The following CDK13 variants were observed in gnomAD, a reference collection of about 807,000 sequenced individuals.
CDK13 encodes cyclin dependent kinase 13, also known as cyclin-dependent kinase 13.
Under a neutral mutation model 137.6 loss-of-function variants are expected in CDK13, and 40 were observed. That is an observed-to-expected ratio of 0.29 (90% CI 0.23 to 0.38). The LOEUF (loss-of-function observed/expected upper bound fraction) is 0.38. CDK13 is among the 10% of genes least tolerant of loss of function. The pLI is 1.00. For synonymous variants in CDK13, 869 were observed against 760.1 expected (o/e 1.14, Z -2.36); for missense variants, 1,704 against 1,951.8 (o/e 0.87, Z 2.39).
chr7:40,074,258 C>G (rs1786489891), intron 9 of CDK13, among the ~76,000 whole-genome samples: 1 of 151,992 alleles, frequency 6.6e-6, no homozygotes. Context: ...TGCGGTGGCT[C>G]ACGCCCATAA....
chr7:40,028,247 T>C (rs1412960086), intron 5 of CDK13, among the ~76,000 whole-genome samples: 1 of 135,848 alleles, frequency 7.4e-6, no homozygotes, highest in Non-Finnish European at 1.5e-5. Flanking sequence ...TGAGATGGAG[T>C]CTCACTCTGT....
chr7:39,980,002 T>C (rs1784191316), intron 1 of CDK13, among the ~76,000 whole-genome samples: 1 of 152,216 alleles, frequency 6.6e-6, no homozygotes, highest in Non-Finnish European at 1.5e-5. Context: ...GGTGACATGT[T>C]GATTTTAGTT....
chr7:40,062,283 A>G (rs1786164277), intron 7 of CDK13: 1 of 145,470 alleles, frequency 6.9e-6, no homozygotes, highest in Non-Finnish European at 1.5e-5. Flanking sequence ...AGTTAATACC[A>G]GTAAACTACT....
chr7:39,951,147 C>T lies in CDK13; in HGVS notation c.506C>T (p.Thr169Met), dbSNP rs1012056345. The change falls in exon 1 of 14, where the codon ACG (threonine) becomes ATG (methionine). Residue 169 changes from threonine to methionine, a missense_variant. Thr to Met is a moderately conservative substitution (Grantham distance 81). Transcript: ENST00000181839. ...LGGASAATAA[T>M]AAGGTGGSGG... Reference sequence around the variant, plus strand: ...GGGGCCAGCGCGGCAACGGCGGCGACGGCTGCCGGGGGAACGGGGGGCAGC... The same window carrying T: ...GGGGCCAGCGCGGCAACGGCGGCGATGGCTGCCGGGGGAACGGGGGGCAGC... 8 of 1,241,898 alleles carry T rather than the reference C, an allele frequency of 6.4e-6. No homozygotes were observed. The South Asian group carries it at 1.9e-4, about 29-fold the overall frequency. 76.9% of individuals were successfully genotyped at this position (1,241,898 alleles called of 1,614,324 possible).
At chr7:40,041,742 A>C (rs1209769759) in intron 5 of CDK13, among the ~76,000 whole-genome samples, 2 of 151,236 alleles carry the variant, frequency 1.3e-5, no homozygotes, top group African/African-American at 4.9e-5. Context: ...CAGCATGCTC[A>C]GTACATTTCC....
At chr7:39,967,410 C>T (rs1783895588) in intron 1 of CDK13, among the ~76,000 whole-genome samples, 2 of 151,612 alleles carry the variant, frequency 1.3e-5, no homozygotes, top group South Asian at 4.2e-4. Flanking sequence ...CCAGCCTGGG[C>T]AACAGAGTGA....
chr7:39,960,503 C>G (rs540353227), intron 1 of CDK13, among the ~76,000 whole-genome samples: 2 of 152,014 alleles, frequency 1.3e-5, no homozygotes, highest in Admixed American at 1.3e-4. Context: ...GTGATCCGCC[C>G]GCCTTGGCCT....
intron 2 of CDK13, among the ~76,000 whole-genome samples, chr7:39,992,200 G>GTGTGTA (rs1355123496): frequency 1.4e-5 from 2 of 138,268 alleles, no homozygotes; most frequent in African/African-American, 5.4e-5. Context: ...GTGTGTGTGT[G>GTGTGTA]TATACACTTC....
chr7:40,028,625 CCT>C (rs1785298049), intron 5 of CDK13, among the ~76,000 whole-genome samples: 2 of 152,130 alleles, frequency 1.3e-5, no homozygotes, highest in South Asian at 4.2e-4. Flanking sequence ...TATTTATTCC[CCT>C]GATGGTGGTC....
intron 1 of CDK13, among the ~76,000 whole-genome samples, chr7:39,961,174 C>A (rs1787608220): frequency 6.6e-6 from 1 of 152,072 alleles, no homozygotes; most frequent in Non-Finnish European, 1.5e-5. Context: ...GCCTGGCCAA[C>A]ATGGCGAAAC....
chr7:40,052,256 A>G (rs1284921813), intron 7 of CDK13, among the ~76,000 whole-genome samples: 1 of 150,568 alleles, frequency 6.6e-6, no homozygotes, highest in African/African-American at 2.4e-5. Context: ...GGCTCACTGC[A>G]ACCTCCGCCT....
In CDK13 at chr7:39,999,384, A is replaced by G; in HGVS notation, c.2066A>G (p.Glu689Gly). 4 of 1,612,320 alleles carry G rather than the reference A, an allele frequency of 2.5e-6. No individual in the cohort carries two copies. The highest frequency in any genetic ancestry group is 3.4e-6 in the Non-Finnish European group (4 of 1,179,162). ...AGAATATGTGGGCCTCGCTATGGTGAAACCAAAGAAAAAGATATTGACTGG... is the reference window on the plus strand; with the variant it reads ...AGAATATGTGGGCCTCGCTATGGTGGAACCAAAGAAAAAGATATTGACTGG... ...RPKICGPRYG[E>G]TKEKDIDWGK... is the part of the protein sequence containing the mutation. Residue 689 changes from glutamate (E) to glycine (G), a missense_variant, in exon 4 of 14, where the codon GAA becomes GGA. By Grantham distance (98) the Glu-to-Gly change is moderately conservative. Coordinates refer to ENST00000181839, the MANE Select transcript of CDK13 (RefSeq NM_003718.5).
chr7:40,040,956 A>T (rs1273579664), intron 5 of CDK13, among the ~76,000 whole-genome samples: 1 of 152,204 alleles, frequency 6.6e-6, no homozygotes, highest in Non-Finnish European at 1.5e-5. Context: ...GTTTAATGGA[A>T]ATAGAATGTG....
chr7:40,088,844 C>T (rs932435057), intron 12 of CDK13, among the ~76,000 whole-genome samples: 2 of 152,124 alleles, frequency 1.3e-5, no homozygotes, highest in African/African-American at 2.4e-5. Context: ...CTTTGGGAGA[C>T]TGAGGCGGAT....
At chr7:39,990,360 A>G (rs1405307609) in intron 2 of CDK13, among the ~76,000 whole-genome samples, 1 of 152,024 alleles carries the variant, frequency 6.6e-6, no homozygotes, top group African/African-American at 2.4e-5. Flanking sequence ...CACTTCTACT[A>G]CATGTCTGTG....
Position 39,950,998 on chromosome 7 carries a change from G to A in CDK13, c.357G>A (p.Arg119=). The change falls in exon 1 of 14, where the codon CGG becomes CGA. Residue 119 remains arginine (R), a synonymous_variant. Transcript: ENST00000181839. ...CCGGGCAGGAGGCGGAGAAGCGTCG[G>A]GTCTTCTCGCTGCCCCAGCCGCAGC... The part of the protein sequence containing the change: ...PRAGQEAEKR[R]VFSLPQPQQD... 3.1e-6 allele frequency: 4 copies of A among 1,308,172 alleles called. No individual in the cohort carries two copies. The highest frequency in any genetic ancestry group is 3.9e-6 in the Non-Finnish European group (4 of 1,032,352). 81.0% of individuals were successfully genotyped at this position (1,308,172 alleles called of 1,614,324 possible). A position where few individuals can be genotyped will look rare whatever the true frequency, so the allele number is the denominator to read the frequency against.
rs1372388057 is a variant in CDK13, at chr7:39,950,400, C to T, written c.-242C>T. 7 of 1,229,876 alleles carry T rather than the reference C, an allele frequency of 5.7e-6. No individual in the cohort carries two copies. The highest frequency in any genetic ancestry group is 6.1e-6 in the Non-Finnish European group (6 of 986,772). 76.2% of individuals were successfully genotyped at this position (1,229,876 alleles called of 1,614,324 possible). A position where few individuals can be genotyped will look rare whatever the true frequency, so the allele number is the denominator to read the frequency against. ...GCTGCCGAGGATAGGACGACGAGCGCAATCGGGAGCTCCGCCGCCCGGATT... is the reference window on the plus strand; with the variant it reads ...GCTGCCGAGGATAGGACGACGAGCGTAATCGGGAGCTCCGCCGCCCGGATT... On this transcript the variant is annotated 5_prime_UTR_variant, in exon 1 of 14. Coordinates refer to ENST00000181839, the MANE Select transcript of CDK13 (RefSeq NM_003718.5).
At chr7:39,951,891 G>A (rs766059115) in intron 1 of CDK13, 39 bp downstream of exon 1, 3 of 1,325,590 alleles carry the variant, frequency 2.3e-6, no homozygotes, top group African/African-American at 1.5e-5. Context: ...CCTTGGCTGC[G>A]CTGGCCAGAT....
At chr7:40,056,806 C>T (rs1786029581) in intron 7 of CDK13, among the ~76,000 whole-genome samples, 1 of 152,224 alleles carries the variant, frequency 6.6e-6, no homozygotes, top group African/African-American at 2.4e-5. Context: ...TTGTGAGATA[C>T]ATCCCTGCCT....
Sources: gnomAD v4.1 joint callset for allele counts (sites outside exome capture counted in the v4.1 genomes callset) on GRCh38, gnomAD v4.1.1 for gene constraint, MANE v1.5 for transcripts, NCBI Gene and HGNC (gene_info 2026-07-23, HGNC 2026-07-21) for gene names.